The following PAPSS1 variants were observed in gnomAD, a reference collection of about 807,000 sequenced individuals.
PAPSS1 encodes the protein 3'-phosphoadenosine 5'-phosphosulfate synthase 1.
A neutral mutation model predicts 72.0 loss-of-function variants in PAPSS1; 50 were observed. That is an observed-to-expected ratio of 0.69 (90% CI 0.55 to 0.88). PAPSS1 has a LOEUF of 0.88. Ranked by LOEUF, PAPSS1 falls within the 40% of genes least tolerant of loss-of-function variation. The pLI is 0.00. For missense variants in PAPSS1, 657 were observed against 782.2 expected, an observed-to-expected ratio of 0.84 and a Z score of 1.91; for synonymous variants, 261 against 263.6, an observed-to-expected ratio of 0.99 and a Z score of 0.09.
intron 1 of PAPSS1, among the ~76,000 whole-genome samples, chr4:107,718,095 T>C (rs1723682670): frequency 6.6e-6 from 1 of 152,242 alleles, no homozygotes; most frequent in Non-Finnish European, 1.5e-5. Flanking sequence ...ACATTCTTCC[T>C]GGATTACCAA....
In PAPSS1 at chr4:107,693,855, A is replaced by G; in HGVS notation, c.327T>C (p.Asn109=). The change falls in exon 3 of 12, where the codon AAT becomes AAC. Residue 109 remains asparagine (N), a synonymous_variant. Coordinates refer to ENST00000265174, the MANE Select transcript of PAPSS1 (RefSeq NM_005443.5). ...LGFSPEDREE[N]VRRIAEVAKL... ...TAGCAACTTCTGCGATGCGTCGAACATTCTCTTCTCTGTCTTCAGGACTAA... is the reference window on the plus strand; with the variant it reads ...TAGCAACTTCTGCGATGCGTCGAACGTTCTCTTCTCTGTCTTCAGGACTAA... 1 of 1,613,940 alleles carries G rather than the reference A, an allele frequency of 6.2e-7. No homozygotes were observed. The highest frequency in any genetic ancestry group is 8.5e-7 in the Non-Finnish European group (1 of 1,179,872).
At chr4:107,702,502 C>T (rs1324583169) in intron 1 of PAPSS1, among the ~76,000 whole-genome samples, 1 of 152,156 alleles carries the variant, frequency 6.6e-6, no homozygotes, top group African/African-American at 2.4e-5. Context: ...CCATCCTCCT[C>T]GACCCCCACT....
At chr4:107,684,361 C>G (rs1722716627) in intron 4 of PAPSS1, among the ~76,000 whole-genome samples, 1 of 152,076 alleles carries the variant, frequency 6.6e-6, no homozygotes, top group Admixed American at 6.6e-5. Flanking sequence ...CATTGCAAGA[C>G]AAGAAGAAAA....
chr4:107,702,962 T>G (rs1246629236), intron 1 of PAPSS1, among the ~76,000 whole-genome samples: 1 of 152,172 alleles, frequency 6.6e-6, no homozygotes, highest in Admixed American at 6.5e-5. Flanking sequence ...ATACTAATAT[T>G]CCCACAATAG....
intron 1 of PAPSS1, among the ~76,000 whole-genome samples, chr4:107,714,498 T>C (rs1723585731): frequency 6.6e-6 from 1 of 152,214 alleles, no homozygotes; most frequent in Admixed American, 6.5e-5. Context: ...GGTTTTCCTG[T>C]CTTGTTACTG....
intron 9 of PAPSS1, among the ~76,000 whole-genome samples, chr4:107,652,461 G>A (rs958784985): frequency 6.6e-6 from 1 of 152,154 alleles, no homozygotes; most frequent in Non-Finnish European, 1.5e-5. Flanking sequence ...CTGTCCTGGA[G>A]TGCTTTATAA....
At chr4:107,653,776 C>T (rs1283247272) in intron 8 of PAPSS1, 150 bp from the exon 9 acceptor site, 10 of 531,122 alleles carry the variant, frequency 1.9e-5, no homozygotes, top group Non-Finnish European at 2.8e-5. Flanking sequence ...ATTAGAGATG[C>T]TATAAAATTA....
chr4:107,671,589 C>T (rs761915322), intron 5 of PAPSS1, among the ~76,000 whole-genome samples: 1 of 152,016 alleles, frequency 6.6e-6, no homozygotes, highest in Non-Finnish European at 1.5e-5. Flanking sequence ...GAATCACTAA[C>T]AAGATATAAA....
Position 107,644,887 on chromosome 4 carries a change from G to A in PAPSS1, c.1421C>T (p.Ala474Val), listed in dbSNP as rs1222133189. 1.2e-6 allele frequency: 2 copies of A among 1,613,836 alleles called. No homozygotes were observed. The highest frequency in any genetic ancestry group is 1.7e-6 in the Non-Finnish European group (2 of 1,179,898). ...PLMWRMKQHA[A>V]VLEEGVLNPE... ...ATTCAGAACTCCTTCCTCCAACACT[G>A]CAGCATGCTGCTTCATACGCCACAT... is the stretch of plus-strand genomic sequence containing the variant. The change falls in exon 10 of 12, where the codon GCA (alanine) becomes GTA (valine). Residue 474 changes from alanine (A) to valine (V), a missense_variant. Physicochemically the swap from Ala to Val is moderately conservative, Grantham distance 64. Around this residue, in one of 7 missense-constraint regions of PAPSS1, gnomAD observed 166 missense variants for 228.3 expected, o/e 0.73. Transcript: ENST00000265174.
chr4:107,703,712 A>G (rs1723264924), intron 1 of PAPSS1, among the ~76,000 whole-genome samples: 1 of 152,098 alleles, frequency 6.6e-6, no homozygotes, highest in African/African-American at 2.4e-5. Flanking sequence ...TGTATGGTTT[A>G]TATGTTTGTT....
chr4:107,662,187 G>A (rs1727198622), intron 5 of PAPSS1, among the ~76,000 whole-genome samples: 1 of 152,238 alleles, frequency 6.6e-6, no homozygotes, highest in Non-Finnish European at 1.5e-5. Context: ...CGCTGCTCTT[G>A]GGGTGTAGAC....
At chr4:107,683,857 G>A (rs1722699055) in intron 4 of PAPSS1, among the ~76,000 whole-genome samples, 1 of 151,594 alleles carries the variant, frequency 6.6e-6, no homozygotes, top group Non-Finnish European at 1.5e-5. Context: ...AGTTGATAGG[G>A]AACTTGCTAA....
chr4:107,692,806 A>G (rs1016953855), intron 3 of PAPSS1, among the ~76,000 whole-genome samples: 1 of 151,690 alleles, frequency 6.6e-6, no homozygotes, highest in Admixed American at 6.6e-5. Flanking sequence ...ATCATGGAAT[A>G]CTATGTAGCT....
intron 4 of PAPSS1, among the ~76,000 whole-genome samples, chr4:107,685,620 T>C (rs1279071962): frequency 6.6e-6 from 1 of 152,146 alleles, no homozygotes; most frequent in East Asian, 1.9e-4. Context: ...AACAGCTTAA[T>C]GAGGTAGAGG....
chr4:107,681,605 C>T (rs1286501168), intron 5 of PAPSS1, among the ~76,000 whole-genome samples: 1 of 152,128 alleles, frequency 6.6e-6, no homozygotes, highest in Non-Finnish European at 1.5e-5. Context: ...ATAAGGAGAT[C>T]ATCATGTTAT....
intron 9 of PAPSS1, among the ~76,000 whole-genome samples, chr4:107,647,336 G>T (rs538413298): frequency 2.0e-5 from 3 of 152,204 alleles, no homozygotes; most frequent in African/African-American, 7.2e-5. Flanking sequence ...AAGAATGGGC[G>T]TCTTCACCTA....
chr4:107,680,592 T>C (rs1420520736), intron 5 of PAPSS1, among the ~76,000 whole-genome samples: 2 of 152,194 alleles, frequency 1.3e-5, no homozygotes, highest in Non-Finnish European at 2.9e-5. Context: ...TCTGTTTCTA[T>C]CACTTATAAT....
At chr4:107,708,699 C>T (rs940050620) in intron 1 of PAPSS1, among the ~76,000 whole-genome samples, 1 of 152,168 alleles carries the variant, frequency 6.6e-6, no homozygotes, top group Non-Finnish European at 1.5e-5. Context: ...CAGTTTCTTG[C>T]CTCCTACATT....
intron 5 of PAPSS1, among the ~76,000 whole-genome samples, chr4:107,680,264 C>A (rs182012869): frequency 1.3e-5 from 2 of 151,766 alleles, no homozygotes; most frequent in African/African-American, 4.8e-5. Flanking sequence ...AAGACCTAGA[C>A]ACATGATATT....
Sources: gnomAD v4.1 joint callset for allele counts (sites outside exome capture counted in the v4.1 genomes callset) on GRCh38, gnomAD v4.1.1 for gene constraint, gnomAD v4.1.1 regional missense constraint, MANE v1.5 for transcripts, NCBI Gene and HGNC (gene_info 2026-07-23, HGNC 2026-07-21) for gene names.